M1AP: variants seen among roughly 807,000 people sequenced by gnomAD.
The protein encoded by M1AP is meiosis 1 arrest protein.
In M1AP, 39 loss-of-function variants were observed where a neutral mutation model predicts 51.2. That is an observed-to-expected ratio of 0.76 (90% CI 0.59 to 1.00). The LOEUF (loss-of-function observed/expected upper bound fraction) is 1.00, where lower values mean the gene tolerates loss of function less well. M1AP is among the 50% of genes least tolerant of loss of function. M1AP has a pLI of 0.00. For missense variants in M1AP, 545 were observed against 641.2 expected, an observed-to-expected ratio of 0.85 and a Z score of 1.62; for synonymous variants, 251 against 249.2, an observed-to-expected ratio of 1.01 and a Z score of -0.07.
intron 2 of M1AP, chr2:74,620,908 G>C (rs2104762668): frequency 5.6e-6 from 1 of 179,352 alleles, no homozygotes; most frequent in Non-Finnish European, 1.3e-5. Context: ...GCGGCAACAT[G>C]CTGTCCAAAC....
chr2:74,585,206 A>G (rs1017557000), intron 4 of M1AP, among the ~76,000 whole-genome samples: 31 of 152,296 alleles, frequency 2.0e-4, no homozygotes, highest in Non-Finnish European at 4.1e-4. Flanking sequence ...CCAGAAATGC[A>G]GCACAGAGAA....
At chr2:74,634,839 G>A (rs2104819769) in intron 2 of M1AP, among the ~76,000 whole-genome samples, 1 of 152,084 alleles carries the variant, frequency 6.6e-6, no homozygotes, top group East Asian at 1.9e-4. Flanking sequence ...CCTGAAATAA[G>A]TTCTACTTGG....
chr2:74,631,483 C>A (rs1434074457), intron 2 of M1AP, among the ~76,000 whole-genome samples: 1 of 152,054 alleles, frequency 6.6e-6, no homozygotes, highest in African/African-American at 2.4e-5. Context: ...TTGGGGTTTA[C>A]CTTTATGCTG....
intron 2 of M1AP, among the ~76,000 whole-genome samples, chr2:74,634,337 C>A (rs1461667210): frequency 6.6e-6 from 1 of 152,136 alleles, no homozygotes; most frequent in Non-Finnish European, 1.5e-5. Flanking sequence ...GGATTGAGCT[C>A]CCTCTCAGAA....
At chr2:74,571,334 G>A (rs778158843) in intron 7 of M1AP, among the ~76,000 whole-genome samples, 3 of 152,158 alleles carry the variant, frequency 2.0e-5, no homozygotes, top group Non-Finnish European at 4.4e-5. Context: ...AGACAATGGC[G>A]GTGCTGCTAT....
At chr2:74,627,696 T>C (rs1385966110) in intron 2 of M1AP, among the ~76,000 whole-genome samples, 1 of 152,156 alleles carries the variant, frequency 6.6e-6, no homozygotes, top group Non-Finnish European at 1.5e-5. Flanking sequence ...TCCATTCATA[T>C]TACCTGGGCT....
chr2:74,631,574 T>C (rs545813926), intron 2 of M1AP, among the ~76,000 whole-genome samples: 1 of 152,292 alleles, frequency 6.6e-6, no homozygotes, highest in African/African-American at 2.4e-5. Flanking sequence ...ATGAGTATTA[T>C]AGCTAAATTA....
chr2:74,562,787 G>A (rs986704547), intron 7 of M1AP, among the ~76,000 whole-genome samples: 4 of 152,052 alleles, frequency 2.6e-5, no homozygotes, highest in Non-Finnish European at 4.4e-5. Context: ...CCCATGGTGC[G>A]TGACTGTACC....
chr2:74,640,492 C>T (rs13383373), intron 1 of M1AP, among the ~76,000 whole-genome samples, 165 bp from the exon 2 acceptor site: 9,059 of 145,934 alleles, frequency 0.062, 805 homozygotes, highest in African/African-American at 0.2. Flanking sequence ...GACAGAGTCT[C>T]GGTATGTCAC....
chr2:74,605,836 G>A (rs1216446270), intron 4 of M1AP, among the ~76,000 whole-genome samples: 1 of 151,832 alleles, frequency 6.6e-6, no homozygotes, highest in Non-Finnish European at 1.5e-5. Context: ...GGGAGGCGGA[G>A]CTTGCAGTGA....
At chr2:74,628,997 G>T in intron 2 of M1AP, 1 of 211,304 alleles carries the variant, frequency 4.7e-6, no homozygotes, top group East Asian at 1.3e-4. Context: ...TATCTTGCAC[G>T]GGAATGTCTT....
intron 7 of M1AP, among the ~76,000 whole-genome samples, chr2:74,572,581 A>G (rs1258926797): frequency 1.3e-5 from 2 of 152,148 alleles, no homozygotes; most frequent in Non-Finnish European, 2.9e-5. Flanking sequence ...TTGGCCTCCT[A>G]AAGTGTTGGG....
intron 4 of M1AP, among the ~76,000 whole-genome samples, chr2:74,588,324 C>CA (rs1232337109): frequency 1.3e-5 from 2 of 152,160 alleles, no homozygotes; most frequent in African/African-American, 4.8e-5. Context: ...TCTATGACCC[C>CA]AAAAAGGTCA....
intron 4 of M1AP, among the ~76,000 whole-genome samples, chr2:74,587,077 C>T (rs1679751100): frequency 6.6e-6 from 1 of 151,952 alleles, no homozygotes; most frequent in Non-Finnish European, 1.5e-5. Context: ...CTTAGTAAAG[C>T]ACTACAAAGC....
rs1679418598 is a variant in M1AP at position 74,581,759 on chromosome 2, ATGTAGCCAGGCTT to A, written c.671_683del (p.Lys224IlefsTer32). 1 of 1,613,996 alleles carries A rather than the reference ATGTAGCCAGGCTT, an allele frequency of 6.2e-7. No individual in the cohort carries two copies. The highest frequency in any genetic ancestry group is 1.3e-5 in the African/African-American group (1 of 74,932). On this transcript the variant is annotated frameshift_variant, in exon 5 of 11. Transcript: ENST00000421985. LOFTEE classifies it high-confidence loss of function. Reference sequence around the variant, plus strand: ...TTTGTTCTTGGTCTGTTCCACTGTTATGTAGCCAGGCTTTGAAGAAAATCTCCATGCTGACGAT... The same window carrying A: ...TTTGTTCTTGGTCTGTTCCACTGTTATGAAGAAAATCTCCATGCTGACGAT...
chr2:74,565,960 T>C (rs765636321), intron 7 of M1AP, among the ~76,000 whole-genome samples: 44 of 152,054 alleles, frequency 2.9e-4, no homozygotes, highest in Non-Finnish European at 4.3e-4. Flanking sequence ...AAAACCTCTA[T>C]AAAAAAATCC....
intron 4 of M1AP, among the ~76,000 whole-genome samples, chr2:74,586,829 G>A (rs1488048936): frequency 1.3e-5 from 2 of 151,746 alleles, no homozygotes; most frequent in African/African-American, 2.4e-5. Flanking sequence ...GGAGAAACCC[G>A]GTCTCCACTA....
intron 2 of M1AP, among the ~76,000 whole-genome samples, chr2:74,617,118 T>TA (rs1428704845): frequency 1.3e-5 from 2 of 152,232 alleles, no homozygotes; most frequent in African/African-American, 4.8e-5. Context: ...TGTGATACCC[T>TA]ACAAGGCATT....
intron 8 of M1AP, 122 bp downstream of exon 8, chr2:74,562,095 C>A: frequency 2.1e-6 from 3 of 1,455,322 alleles, no homozygotes; most frequent in South Asian, 1.6e-5. Flanking sequence ...TCTCTTCTTA[C>A]TCTCTTACCA....
Sources: gnomAD v4.1 joint callset for allele counts (sites outside exome capture counted in the v4.1 genomes callset) on GRCh38, gnomAD v4.1.1 for gene constraint, MANE v1.5 for transcripts, NCBI Gene and HGNC (gene_info 2026-07-23, HGNC 2026-07-21) for gene names.